The following STAG1 variants were observed in gnomAD, a reference collection of about 807,000 sequenced individuals.
STAG1 encodes cohesin subunit SA-1.
In STAG1, 26 loss-of-function variants were observed where a neutral mutation model predicts 170.9. The observed-to-expected ratio is 0.15, with a 90% confidence interval of 0.11 to 0.21. The LOEUF (loss-of-function observed/expected upper bound fraction) is 0.21. Among genes scored for constraint, STAG1 ranks in the 10% least tolerant of loss-of-function variants. STAG1 has a pLI of 1.00. For synonymous variants in STAG1, 514 were observed against 497.7 expected (o/e 1.03, Z -0.44); for missense variants, 964 against 1,509.5 (o/e 0.64, Z 5.99).
At chr3:136,563,092 A>G (rs1435835728) in intron 5 of STAG1, among the ~76,000 whole-genome samples, 1 of 152,218 alleles carries the variant, frequency 6.6e-6, no homozygotes, top group African/African-American at 2.4e-5. Context: ...CGTAACTTGC[A>G]ATGTTTGCTT....
intron 4 of STAG1, among the ~76,000 whole-genome samples, chr3:136,592,333 T>A (rs1198029906): frequency 6.6e-6 from 1 of 152,142 alleles, no homozygotes; most frequent in African/African-American, 2.4e-5. Context: ...TGAGTCCTCA[T>A]GAGATCTGAT....
chr3:136,526,880 G>C (rs898836173), intron 6 of STAG1, among the ~76,000 whole-genome samples: 3 of 152,148 alleles, frequency 2.0e-5, no homozygotes, highest in African/African-American at 4.8e-5. Flanking sequence ...ATGAAATTCT[G>C]GGTTGAAAAT....
intron 7 of STAG1, among the ~76,000 whole-genome samples, chr3:136,515,264 C>T (rs112050005): frequency 0.012 from 1,761 of 152,164 alleles, 24 homozygotes; most frequent in African/African-American, 0.041. Flanking sequence ...ACTCGGGAGG[C>T]TGAGGCAAGA....
At chr3:136,613,382 T>C (rs1335889323) in intron 3 of STAG1, among the ~76,000 whole-genome samples, 10 of 150,504 alleles carry the variant, frequency 6.6e-5, no homozygotes, top group Non-Finnish European at 1.0e-4. Context: ...GAAACTGATA[T>C]TGTCAGATTT....
At chr3:136,569,157 A>C (rs1319085636) in intron 4 of STAG1, among the ~76,000 whole-genome samples, 1 of 152,108 alleles carries the variant, frequency 6.6e-6, no homozygotes, top group African/African-American at 2.4e-5. Flanking sequence ...TATTCAAACC[A>C]TATTAAGAAA....
chr3:136,679,504 G>A (rs567117728), intron 1 of STAG1, among the ~76,000 whole-genome samples: 13 of 152,222 alleles, frequency 8.5e-5, no homozygotes, highest in East Asian at 7.7e-4. Context: ...CCAGGCGGGC[G>A]GATCATGAGG....
At chr3:136,589,014 G>A (rs1264292151) in intron 4 of STAG1, among the ~76,000 whole-genome samples, 6 of 152,154 alleles carry the variant, frequency 3.9e-5, no homozygotes, top group East Asian at 1.9e-4. Context: ...ACCCGCCTTC[G>A]TCTCCCAAAG....
chr3:136,371,954 C>T (rs954296338), intron 23 of STAG1, among the ~76,000 whole-genome samples: 10 of 152,286 alleles, frequency 6.6e-5, no homozygotes, highest in Admixed American at 2.6e-4. Context: ...GGCAGTACGG[C>T]CATTTTCACG....
chr3:136,393,397 C>T (rs1482510915), intron 22 of STAG1, among the ~76,000 whole-genome samples: 1 of 152,048 alleles, frequency 6.6e-6, no homozygotes, highest in African/African-American at 2.4e-5. Flanking sequence ...CCCAGCTACT[C>T]AGGAGAGGCT....
At chr3:136,380,747 T>A (rs905972502) in intron 22 of STAG1, among the ~76,000 whole-genome samples, 22 of 151,924 alleles carry the variant, frequency 1.4e-4, no homozygotes, top group African/African-American at 5.3e-4. Flanking sequence ...AGGCCAGGCA[T>A]GATGGCTCAC....
intron 7 of STAG1, among the ~76,000 whole-genome samples, chr3:136,505,691 G>A (rs1426404832): frequency 1.3e-5 from 2 of 152,164 alleles, no homozygotes; most frequent in Admixed American, 1.3e-4. Flanking sequence ...TTCCTTTTGT[G>A]ATTTTTACAT....
At chr3:136,732,645 T>C (rs1934107844) in intron 1 of STAG1, among the ~76,000 whole-genome samples, 1 of 152,212 alleles carries the variant, frequency 6.6e-6, no homozygotes, top group African/African-American at 2.4e-5. Context: ...AGTCTTGCTC[T>C]GTCACCCAGG....
intron 5 of STAG1, among the ~76,000 whole-genome samples, chr3:136,566,503 T>C (rs4573467): frequency 1.3e-5 from 2 of 152,208 alleles, no homozygotes; most frequent in African/African-American, 2.4e-5. Context: ...CCCTAAATGC[T>C]ACTGAATTGG....
chr3:136,626,353 G>A (rs749069571), intron 2 of STAG1, among the ~76,000 whole-genome samples: 1 of 149,882 alleles, frequency 6.7e-6, no homozygotes, highest in Non-Finnish European at 1.5e-5. Context: ...TTGAACCCAC[G>A]AGGCGTAGGT....
At chr3:136,589,038 G>A (rs1168936626) in intron 4 of STAG1, among the ~76,000 whole-genome samples, 3 of 152,266 alleles carry the variant, frequency 2.0e-5, no homozygotes, top group African/African-American at 7.2e-5. Context: ...TGGGATTACA[G>A]GTATGAGCCA....
At chr3:136,395,971 T>C (rs1030955570) in intron 22 of STAG1, among the ~76,000 whole-genome samples, 5 of 152,204 alleles carry the variant, frequency 3.3e-5, no homozygotes, top group Non-Finnish European at 7.4e-5. Flanking sequence ...TGGCAAGATC[T>C]TGGCTCACTG....
intron 21 of STAG1, among the ~76,000 whole-genome samples, chr3:136,408,142 A>G (rs1202384121): frequency 1.3e-5 from 2 of 152,178 alleles, no homozygotes; most frequent in Non-Finnish European, 2.9e-5. Flanking sequence ...TAAATTTTAA[A>G]TATTCATAAA....
At chr3:136,714,959 ATATATTTTATATATATAT>A (rs1163353360) in intron 1 of STAG1, among the ~76,000 whole-genome samples, 4 of 69,814 alleles carry the variant, frequency 5.7e-5, no homozygotes, top group Non-Finnish European at 1.5e-4. Context: ...ATATATATAT[ATATATTTTATATATATAT>A]TTTTATATAT....
chr3:136,645,596 T>C (rs1024746383), intron 1 of STAG1, among the ~76,000 whole-genome samples: 3 of 152,264 alleles, frequency 2.0e-5, no homozygotes, highest in Non-Finnish European at 2.9e-5. Flanking sequence ...AGCAAGTAAC[T>C]GCTTTATTTT....
Sources: gnomAD v4.1 joint callset for allele counts (sites outside exome capture counted in the v4.1 genomes callset) on GRCh38, gnomAD v4.1.1 for gene constraint, MANE v1.5 for transcripts, NCBI Gene and HGNC (gene_info 2026-07-23, HGNC 2026-07-21) for gene names.